MAP3K20: variants seen among roughly 807,000 people sequenced by gnomAD.
MAP3K20 encodes mitogen-activated protein kinase kinase kinase 20.
In MAP3K20, 40 loss-of-function variants were observed where a neutral mutation model predicts 85.7. The observed-to-expected ratio is 0.47, with a 90% CI of 0.36 to 0.61. MAP3K20 has a LOEUF of 0.61. Among genes scored for constraint, MAP3K20 ranks in the 20% least tolerant of loss-of-function variants. MAP3K20 has a pLI of 0.00. For missense variants in MAP3K20, 817 were observed against 961.7 expected, an observed-to-expected ratio of 0.85 and a Z score of 1.99; for synonymous variants, 325 against 327.7, an observed-to-expected ratio of 0.99 and a Z score of 0.09.
chr2:173,247,813 A>G (rs571026641), intron 16 of MAP3K20, among the ~76,000 whole-genome samples: 1 of 152,304 alleles, frequency 6.6e-6, no homozygotes, highest in African/African-American at 2.4e-5. Flanking sequence ...TACATTACCT[A>G]CCTGTTCTTG....
chr2:173,232,044 C>G (rs2106331152), intron 12 of MAP3K20, 148 bp from the exon 13 acceptor site: 3 of 1,002,590 alleles, frequency 3.0e-6, no homozygotes, highest in Non-Finnish European at 4.5e-6. Context: ...GGTTTTAAAA[C>G]TACAAAGAGA....
At chr2:173,196,574 T>G (rs1422500787) in intron 7 of MAP3K20, among the ~76,000 whole-genome samples, 2 of 152,238 alleles carry the variant, frequency 1.3e-5, no homozygotes, top group Non-Finnish European at 2.9e-5. Flanking sequence ...TCCCTGATTT[T>G]CCTGCTAATT....
chr2:173,124,820 A>G (rs1688396087), intron 2 of MAP3K20, among the ~76,000 whole-genome samples: 1 of 152,144 alleles, frequency 6.6e-6, no homozygotes, highest in Non-Finnish European at 1.5e-5. Context: ...TCTATTAAGA[A>G]AGCTTAAAGT....
intron 18 of MAP3K20, among the ~76,000 whole-genome samples, chr2:173,262,007 AC>A (rs1228495607): frequency 6.8e-6 from 1 of 146,024 alleles, no homozygotes; most frequent in Non-Finnish European, 1.5e-5. Context: ...AGACAGTGAG[AC>A]CCCTGTCTCC....
intron 2 of MAP3K20, among the ~76,000 whole-genome samples, chr2:173,124,489 T>A (rs543781039): frequency 6.6e-6 from 1 of 152,182 alleles, no homozygotes; most frequent in Non-Finnish European, 1.5e-5. Context: ...TGGTTGGGGT[T>A]CCATGGGTGG....
chr2:173,262,533 G>A (rs546058260), intron 18 of MAP3K20, among the ~76,000 whole-genome samples: 55 of 152,116 alleles, frequency 3.6e-4, no homozygotes, highest in African/African-American at 1.1e-3. Context: ...CCTGGATGCA[G>A]AAGTTGTGGT....
Position 173,169,955 on chromosome 2 carries a change from G to C in MAP3K20, c.247+63G>C, listed in dbSNP as rs1030875324. Reference sequence around the variant, plus strand: ...TACCTAGCTTTAGATTCCTTAATATGCTAAAATGCTTAATATTAGGCTCAG... The same window carrying C: ...TACCTAGCTTTAGATTCCTTAATATCCTAAAATGCTTAATATTAGGCTCAG... On this transcript the variant is annotated intron_variant, in intron 3 of 19. Transcript: ENST00000375213. 7.0e-6 allele frequency: 10 copies of C among 1,432,190 alleles called. No homozygotes were observed. In the African/African-American group the frequency reaches 1.4e-4, roughly 20 times the overall value. The allele number at this position is 1,432,190 out of a possible 1,614,324, so 88.7% of individuals were successfully genotyped here. A position where few individuals can be genotyped will look rare whatever the true frequency, so the allele number is the denominator to read the frequency against.
At chr2:173,216,600 A>G (rs1038107172) in intron 10 of MAP3K20, among the ~76,000 whole-genome samples, 1 of 133,104 alleles carries the variant, frequency 7.5e-6, no homozygotes, top group Non-Finnish European at 1.6e-5. Context: ...ACCCCTTACA[A>G]CCAAGGAAAC....
At chr2:173,264,706 G>A (rs912163465) in intron 19 of MAP3K20, among the ~76,000 whole-genome samples, 1 of 152,128 alleles carries the variant, frequency 6.6e-6, no homozygotes, top group African/African-American at 2.4e-5. Flanking sequence ...GGGTTCTATT[G>A]GAAGGCAAAA....
chr2:173,259,271 T>G lies in MAP3K20; in HGVS notation c.1476+456T>G, dbSNP rs142988136. Among the ~76,000 whole-genome samples the G allele has an allele frequency of 3.8e-3, 572 of 152,316 alleles. 2 individuals carry two copies. The highest frequency in any genetic ancestry group is 0.013 in the African/African-American group (529 of 41,560). On this transcript the variant is annotated intron_variant, in intron 17 of 19. Transcript: ENST00000375213. ...TGAAGTCTTAATGGCTTCCTTAAGT[T>G]CACACCTATGAATTCCTGGAGTGGC... is the stretch of plus-strand genomic sequence containing the variant.
chr2:173,079,309 T>C (rs1244574299), intron 1 of MAP3K20, among the ~76,000 whole-genome samples: 2 of 152,202 alleles, frequency 1.3e-5, no homozygotes. Flanking sequence ...TACACCCGTA[T>C]AGGGCATTTA....
intron 15 of MAP3K20, among the ~76,000 whole-genome samples, chr2:173,239,172 A>G (rs1036049707): frequency 6.6e-6 from 1 of 152,278 alleles, no homozygotes; most frequent in Non-Finnish European, 1.5e-5. Flanking sequence ...AATGTAAGAC[A>G]GTGACATTCA....
At chr2:173,120,189 C>T (rs568850381) in intron 2 of MAP3K20, among the ~76,000 whole-genome samples, 221 of 152,236 alleles carry the variant, frequency 1.5e-3, no homozygotes, top group African/African-American at 5.2e-3. Context: ...TCCTTCTCCA[C>T]GTGTCATTCT....
intron 2 of MAP3K20, among the ~76,000 whole-genome samples, chr2:173,152,713 G>A (rs1387517664): frequency 6.6e-6 from 1 of 152,178 alleles, no homozygotes. Context: ...ATAAAAATCT[G>A]AGCTGAAATA....
chr2:173,228,956 A>C (rs1300428928), intron 11 of MAP3K20, among the ~76,000 whole-genome samples: 1 of 152,354 alleles, frequency 6.6e-6, no homozygotes, highest in East Asian at 1.9e-4. Context: ...CTCTAATTTG[A>C]CTTATAGGAC....
Position 173,229,699 on chromosome 2 carries a change from CCTTT to C in MAP3K20, c.999_1002del (p.Phe334ArgfsTer27). On this transcript the variant is annotated frameshift_variant, in exon 12 of 20. Coordinates refer to ENST00000375213, the MANE Select transcript of MAP3K20 (RefSeq NM_016653.3). LOFTEE classifies it high-confidence loss of function. ...ATATTTCCCATGCAGCTGCTGCCTTCCTTTGAGATTGGTGCATGGACGGAAGACG... is the reference window on the plus strand; with the variant it reads ...ATATTTCCCATGCAGCTGCTGCCTTCGAGATTGGTGCATGGACGGAAGACG... 2 of 1,613,904 alleles carry C rather than the reference CCTTT, an allele frequency of 1.2e-6. No individual in the cohort carries two copies. Among genetic ancestry groups the C allele is most frequent in the South Asian group, 1.1e-5 (1 of 91,052 alleles).
chr2:173,180,324 A>G (rs1690288427), intron 3 of MAP3K20, among the ~76,000 whole-genome samples: 2 of 152,232 alleles, frequency 1.3e-5, no homozygotes, highest in East Asian at 3.8e-4. Flanking sequence ...TTGATTGGCA[A>G]TGGATTTTCA....
intron 8 of MAP3K20, among the ~76,000 whole-genome samples, chr2:173,199,033 A>G (rs13430650): frequency 0.22 from 33,480 of 152,164 alleles, 3,857 homozygotes; most frequent in African/African-American, 0.26. Context: ...AAACTTCTTC[A>G]TTTCCAAATC....
At chr2:173,167,517 T>A (rs1197959765) in intron 2 of MAP3K20, among the ~76,000 whole-genome samples, 2 of 152,130 alleles carry the variant, frequency 1.3e-5, no homozygotes, top group Non-Finnish European at 2.9e-5. Flanking sequence ...TAAATCAGAT[T>A]CTTAGTTTAT....
Sources: gnomAD v4.1 joint callset for allele counts (sites outside exome capture counted in the v4.1 genomes callset) on GRCh38, gnomAD v4.1.1 for gene constraint, MANE v1.5 for transcripts, NCBI Gene and HGNC (gene_info 2026-07-23, HGNC 2026-07-21) for gene names.